OGG1: variants seen among roughly 807,000 people sequenced by gnomAD.
The protein encoded by OGG1 is 8-oxoguanine DNA glycosylase.
OGG1 carries 35 observed loss-of-function variants against 42.3 expected under a neutral mutation model. The observed-to-expected ratio is 0.83, with a 90% CI of 0.63 to 1.10. The LOEUF (loss-of-function observed/expected upper bound fraction) is 1.10, where lower values mean the gene tolerates loss of function less well. Among genes scored for constraint, OGG1 ranks in the 50% least tolerant of loss-of-function variants. OGG1 has a pLI of 0.00. For synonymous variants in OGG1, 189 were observed against 179.0 expected, an observed-to-expected ratio of 1.06 and a Z score of -0.44; for missense variants, 484 against 446.7, an observed-to-expected ratio of 1.08 and a Z score of -0.75.
downstream of OGG1, among the ~76,000 whole-genome samples, chr3:9,770,374 G>C (rs1032241818): frequency 6.6e-6 from 1 of 152,112 alleles, no homozygotes. Flanking sequence ...AACTGCACGG[G>C]AGTCTGGTGG....
At chr3:9,761,547 A>T, downstream of OGG1, 1 of 1,613,284 alleles carries the variant, frequency 6.2e-7, no homozygotes, top group South Asian at 1.1e-5. Context: ...CTGTGGAGGG[A>T]AGAGGACGTG....
chr3:9,753,058 AAAAG>A (rs1296106389), intron 3 of OGG1, among the ~76,000 whole-genome samples: 1 of 151,694 alleles, frequency 6.6e-6, no homozygotes, highest in Admixed American at 6.6e-5. Flanking sequence ...AAAACAAACA[AAAAG>A]AAACCTGGGT....
chr3:9,751,310 T>G lies in OGG1; in HGVS notation c.385+118T>G, dbSNP rs936525417. 13 of 1,040,466 alleles carry G rather than the reference T, an allele frequency of 1.2e-5. No individual in the cohort carries two copies. In the African/African-American group the frequency reaches 1.9e-4, roughly 15 times the overall value. The allele number at this position is 1,040,466 out of a possible 1,614,324, so 64.5% of individuals were successfully genotyped here. A position where few individuals can be genotyped will look rare whatever the true frequency, so the allele number is the denominator to read the frequency against. On this transcript the variant is annotated intron_variant, in intron 2 of 6. Coordinates refer to ENST00000344629, the MANE Select transcript of OGG1 (RefSeq NM_002542.6). ...CTACTTCATAGGCTTTTATGAGGAT[T>G]TAAGGAACTAATACATGTAAAGTGC... is the stretch of plus-strand genomic sequence containing the variant.
intron 3 of OGG1, among the ~76,000 whole-genome samples, chr3:9,784,556 T>G (rs933783718): frequency 5.9e-5 from 9 of 152,112 alleles, no homozygotes; most frequent in African/African-American, 2.2e-4. Context: ...TTCCCTTATG[T>G]GCACATATTT....
At chr3:9,776,732 T>C (rs1020340514) in intron 2 of OGG1, among the ~76,000 whole-genome samples, 2 of 152,180 alleles carry the variant, frequency 1.3e-5, no homozygotes, top group African/African-American at 4.8e-5. Flanking sequence ...TTTGATTGTC[T>C]GTCTAGTGTG....
At chr3:9,774,408 C>CAAAAAA (rs35674476) in intron 2 of OGG1, among the ~76,000 whole-genome samples, 1 of 117,134 alleles carries the variant, frequency 8.5e-6, no homozygotes, top group Non-Finnish European at 1.7e-5. Context: ...GACTCTGTCT[C>CAAAAAA]AAAAAAAAAA....
At chr3:9,773,703 A>AT in intron 2 of OGG1, among the ~76,000 whole-genome samples, 1 of 135,210 alleles carries the variant, frequency 7.4e-6, no homozygotes, top group African/African-American at 2.8e-5. Flanking sequence ...TTTATTTATT[A>AT]TTTTTTTGAG....
downstream of OGG1, among the ~76,000 whole-genome samples, chr3:9,790,894 G>A (rs139335527): frequency 2.6e-3 from 396 of 152,292 alleles, 1 homozygote; most frequent in African/African-American, 9.2e-3. Context: ...CAGTTCCCTA[G>A]GACTGCTAAC....
chr3:9,762,500 C>G (rs1350498752), intron 7 of OGG1, among the ~76,000 whole-genome samples: 1 of 152,166 alleles, frequency 6.6e-6, no homozygotes, highest in Non-Finnish European at 1.5e-5. Context: ...CCTCAGCCTC[C>G]CTAGTAGCTG....
Position 9,754,759 on chromosome 3 carries a change from C to G in OGG1, c.621C>G (p.Tyr207Ter), listed in dbSNP as rs761255746. Reference sequence around the variant, plus strand: ...TGGGCCTGGGCTATCGTGCCCGTTACGTGAGTGCCAGTGCCCGAGCCATCC... The same window carrying G: ...TGGGCCTGGGCTATCGTGCCCGTTAGGTGAGTGCCAGTGCCCGAGCCATCC... ...RKLGLGYRAR[Y>*]VSASARAILE... Residue 207 changes from tyrosine to a stop codon, truncating the protein, a stop_gained, in exon 4 of 7, where the codon TAC (tyrosine) becomes TAG (stop). Coordinates refer to ENST00000344629, the MANE Select transcript of OGG1 (RefSeq NM_002542.6). LOFTEE classifies it high-confidence loss of function. 8 of 1,614,170 alleles carry G rather than the reference C, an allele frequency of 5.0e-6. No individual in the cohort carries two copies. Among genetic ancestry groups the G allele is most frequent in the African/African-American group, 1.3e-5 (1 of 75,060 alleles).
At chr3:9,779,518 A>AG (rs1429649547) in intron 2 of OGG1, among the ~76,000 whole-genome samples, 1 of 150,018 alleles carries the variant, frequency 6.7e-6, no homozygotes, top group Admixed American at 6.6e-5. Context: ...CCCTTGGGGG[A>AG]GGGGGGAGGG....
At position 9,756,133 on chromosome 3, in the gene OGG1, A is replaced by G. The variant is rs1246415544; in HGVS notation, c.748-338A>G. On this transcript the variant is annotated intron_variant, in intron 4 of 6. Coordinates refer to ENST00000344629, the MANE Select transcript of OGG1 (RefSeq NM_002542.6). ...GGAGTTCGAGACCAGGCTGGCCAAC[A>G]TGGTGAAACCCCATCTCTACTAAAA... 2.0e-5 allele frequency among the ~76,000 whole-genome samples: 3 copies of G among 152,144 alleles called. No individual in the cohort carries two copies. The East Asian group carries it at 5.8e-4, about 29-fold the overall frequency.
chr3:9,773,588 A>G (rs1051659728), intron 2 of OGG1, among the ~76,000 whole-genome samples: 1 of 151,704 alleles, frequency 6.6e-6, no homozygotes, highest in African/African-American at 2.4e-5. Flanking sequence ...TGAGTCAAGG[A>G]AAGTCAAATG....
Position 9,765,986 on chromosome 3 carries a change from A to G in OGG1, c.*155A>G, listed in dbSNP as rs768828779. ...CTATGGGTTCTGTGACCACTGCTGG[A>G]CCAAGGACGTGGATGACCCTCCCCT... On this transcript the variant is annotated 3_prime_UTR_variant, in exon 8 of 8. Transcript: ENST00000302008. The G allele has an allele frequency of 8.1e-6, 13 of 1,613,992 alleles. No individual in the cohort carries two copies. In the South Asian group the frequency reaches 1.2e-4, roughly 15 times the overall value.
rs757944061 is a variant in OGG1 at position 9,783,996 on chromosome 3, C to T, written c.382+2396C>T. On this transcript the variant is annotated intron_variant, in intron 3 of 3. Coordinates refer to the OGG1 transcript ENST00000426518. ...GCCGTGGCCACAGCCTCCAAGGCCA[C>T]CCCCGGGACTGTGCATCCTGCTAAC... The T allele has an allele frequency of 4.8e-5, 77 of 1,598,570 alleles. 1 individual carries two copies. The highest frequency in any genetic ancestry group is 5.4e-5 in the Non-Finnish European group (63 of 1,169,050).
At chr3:9,768,153 C>T (rs2078206375), downstream of OGG1, among the ~76,000 whole-genome samples, 1 of 152,190 alleles carries the variant, frequency 6.6e-6, no homozygotes, top group Non-Finnish European at 1.5e-5. Flanking sequence ...CCCCTGTCCC[C>T]AGAACCAGTG....
chr3:9,763,333 C>T, intron 7 of OGG1: 5 of 1,254,678 alleles, frequency 4.0e-6, no homozygotes, highest in Non-Finnish European at 5.6e-6. Flanking sequence ...TTCAAAGCTG[C>T]AGTCTGTTAT....
chr3:9,765,675 G>T, intron 7 of OGG1: 1 of 1,483,162 alleles, frequency 6.7e-7, no homozygotes, highest in Non-Finnish European at 9.2e-7. Flanking sequence ...GAGTTTAAAT[G>T]ATTTGTCCAA....
rs760125584 is a variant in OGG1 at position 9,757,266 on chromosome 3, A to G, written c.*116A>G. On this transcript the variant is annotated 3_prime_UTR_variant, in exon 7 of 7. Transcript: ENST00000344629. This position sits in a 1 kb window ranked among gnomAD's most constrained non-coding sequence, Gnocchi z 4.5. ...GAGGGGCCTCCCTGTGACTACCTCAAAGGCCAGGCACCCCCAAATCAAGCA... is the reference window on the plus strand; with the variant it reads ...GAGGGGCCTCCCTGTGACTACCTCAGAGGCCAGGCACCCCCAAATCAAGCA... 8 of 1,614,158 alleles carry G rather than the reference A, an allele frequency of 5.0e-6. No individual in the cohort carries two copies. The South Asian group carries it at 5.5e-5, about 11-fold the overall frequency.
Sources: allele counts gnomAD v4.1 joint callset (sites outside exome capture counted in the v4.1 genomes callset), GRCh38; gene constraint gnomAD v4.1.1; non-coding constraint Gnocchi (gnomAD v3.1); transcripts MANE v1.5; gene names NCBI Gene and HGNC (gene_info 2026-07-23, HGNC 2026-07-21).